STX8: variants seen among roughly 807,000 people sequenced by gnomAD.
The protein encoded by STX8 is syntaxin-8.
A neutral mutation model predicts 37.5 loss-of-function variants in STX8; 23 were observed. The ratio of observed to expected loss-of-function variants is 0.61; its 90% confidence interval spans 0.44 to 0.87. STX8 has a LOEUF of 0.87. Among genes scored for constraint, STX8 ranks in the 40% least tolerant of loss-of-function variants. The pLI is 0.00. For synonymous variants in STX8, 115 were observed against 99.1 expected (o/e 1.16, Z -0.95); for missense variants, 313 against 284.7 (o/e 1.10, Z -0.71).
chr17:9,458,254 AT>A (rs1309411148), intron 6 of STX8, among the ~76,000 whole-genome samples: 1 of 151,818 alleles, frequency 6.6e-6, no homozygotes, highest in Non-Finnish European at 1.5e-5. Flanking sequence ...GGCTCACGCC[AT>A]TCTCCTGCCT....
In STX8 at chr17:9,378,671, A is replaced by G. The variant is rs1285051085; in HGVS notation, c.542-18T>C. On this transcript the variant is annotated intron_variant, in intron 6 of 7. Coordinates refer to ENST00000306357, the MANE Select transcript of STX8 (RefSeq NM_004853.3). ...AATTATCTCTAGAAAGGAAACATACATGATTACTATTCCTGAAATACCCCG... is the reference window on the plus strand; with the variant it reads ...AATTATCTCTAGAAAGGAAACATACGTGATTACTATTCCTGAAATACCCCG... 1 of 1,574,594 alleles carries G rather than the reference A, an allele frequency of 6.4e-7. No homozygotes were observed. Among genetic ancestry groups the G allele is most frequent in the Non-Finnish European group, 8.7e-7 (1 of 1,144,382 alleles).
At chr17:9,481,868 G>A (rs183471983) in intron 6 of STX8, among the ~76,000 whole-genome samples, 31 of 152,294 alleles carry the variant, frequency 2.0e-4, no homozygotes, top group Admixed American at 8.5e-4. Flanking sequence ...ACGACAATCT[G>A]ATGCCTGGTG....
In STX8 at chr17:9,301,292, G is replaced by T. The variant is rs190484859; in HGVS notation, c.644-50647C>A. On this transcript the variant is annotated intron_variant, in intron 7 of 7. Transcript: ENST00000306357. ...ATTTTTAAAAAACAACAACAACTAAGAACAGATACTGAGCTCTATTAAATG... is the reference window on the plus strand; with the variant it reads ...ATTTTTAAAAAACAACAACAACTAATAACAGATACTGAGCTCTATTAAATG... 8.5e-4 allele frequency among the ~76,000 whole-genome samples: 129 copies of T among 152,104 alleles called. 1 individual carries two copies. In the Middle Eastern group the frequency reaches 0.027, roughly 32 times the overall value.
chr17:9,495,225 A>G (rs1222321166), intron 5 of STX8, among the ~76,000 whole-genome samples: 1 of 152,138 alleles, frequency 6.6e-6, no homozygotes, highest in African/African-American at 2.4e-5. Context: ...TTTAGGGATC[A>G]TTCACAAGGA....
At chr17:9,394,723 C>T (rs1912336184) in intron 6 of STX8, among the ~76,000 whole-genome samples, 1 of 151,720 alleles carries the variant, frequency 6.6e-6, no homozygotes, top group Non-Finnish European at 1.5e-5. Flanking sequence ...TAAAAATTGC[C>T]AGATGCTAAG....
At chr17:9,531,431 T>C (rs1192862573) in intron 4 of STX8, among the ~76,000 whole-genome samples, 2 of 152,152 alleles carry the variant, frequency 1.3e-5, no homozygotes, top group Admixed American at 6.6e-5. Flanking sequence ...GCACAGAGAC[T>C]GAAGAGATCT....
At chr17:9,318,581 C>T (rs1017973809) in intron 7 of STX8, among the ~76,000 whole-genome samples, 5 of 152,002 alleles carry the variant, frequency 3.3e-5, no homozygotes, top group South Asian at 2.1e-4. Context: ...ACGAACAATA[C>T]GGCAGTAACA....
At chr17:9,271,871 A>C (rs1907479499) in intron 7 of STX8, among the ~76,000 whole-genome samples, 1 of 152,184 alleles carries the variant, frequency 6.6e-6, no homozygotes, top group East Asian at 1.9e-4. Context: ...ACCATACAAT[A>C]AAATATCATC....
At chr17:9,459,431 T>C (rs530386744) in intron 6 of STX8, among the ~76,000 whole-genome samples, 1 of 152,334 alleles carries the variant, frequency 6.6e-6, no homozygotes, top group South Asian at 2.1e-4. Flanking sequence ...AGCCAGCTGC[T>C]GCCTCAGGGA....
At chr17:9,516,429 C>T (rs1006468615) in intron 4 of STX8, among the ~76,000 whole-genome samples, 42 of 148,860 alleles carry the variant, frequency 2.8e-4, no homozygotes, top group Admixed American at 2.6e-3. Context: ...CATACATCAC[C>T]ACAGACATAT....
At position 9,419,228 on chromosome 17, in the gene STX8, GTTATT is replaced by G. The variant is rs757643938; in HGVS notation, c.542-40580_542-40576del. Among the ~76,000 whole-genome samples the G allele has an allele frequency of 5.3e-5, 8 of 151,680 alleles. 1 individual carries two copies. The South Asian group carries it at 1.7e-3, about 32-fold the overall frequency. Reference sequence around the variant, plus strand: ...AGGTGTGTATCACCATGCCCAGTTCGTTATTTTATTTAAAAAATTTTTCTTAGACA... The same window carrying G: ...AGGTGTGTATCACCATGCCCAGTTCGTTATTTAAAAAATTTTTCTTAGACA... On this transcript the variant is annotated intron_variant, in intron 6 of 7. Coordinates refer to ENST00000306357, the MANE Select transcript of STX8 (RefSeq NM_004853.3).
intron 6 of STX8, among the ~76,000 whole-genome samples, chr17:9,457,613 G>A (rs1397042649): frequency 6.6e-6 from 1 of 152,212 alleles, no homozygotes; most frequent in African/African-American, 2.4e-5. Context: ...TCTCTAGTGG[G>A]GGCTATAATT....
chr17:9,267,093 C>T (rs1907257492), intron 7 of STX8, among the ~76,000 whole-genome samples: 1 of 152,252 alleles, frequency 6.6e-6, no homozygotes, highest in African/African-American at 2.4e-5. Flanking sequence ...AGGGTGAACG[C>T]GTGTGTGAGT....
chr17:9,347,708 G>A (rs1006162500), intron 7 of STX8, among the ~76,000 whole-genome samples: 1 of 151,996 alleles, frequency 6.6e-6, no homozygotes, highest in Non-Finnish European at 1.5e-5. Context: ...GTAGAAACTG[G>A]GTTTCACTAT....
intron 2 of STX8, among the ~76,000 whole-genome samples, chr17:9,565,612 C>CAAAAA (rs61319674): frequency 6.9e-5 from 5 of 72,676 alleles, no homozygotes; most frequent in African/African-American, 9.8e-5. Flanking sequence ...AACACCGTCT[C>CAAAAA]AAAAAAAAAA....
rs562490033 is a variant in STX8, at chr17:9,252,360, C to T, written c.644-1715G>A. Among the ~76,000 whole-genome samples the T allele has an allele frequency of 4.6e-5, 7 of 151,940 alleles. No individual in the cohort carries two copies. The South Asian group carries it at 6.2e-4, about 14-fold the overall frequency. Reference sequence around the variant, plus strand: ...TTGGGAGGCTGAGGCAGGAGAATGGCGTGAACCCGGGAGGCGGAGCTTGCA... The same window carrying T: ...TTGGGAGGCTGAGGCAGGAGAATGGTGTGAACCCGGGAGGCGGAGCTTGCA... On this transcript the variant is annotated intron_variant, in intron 7 of 7. Coordinates refer to ENST00000306357, the MANE Select transcript of STX8 (RefSeq NM_004853.3).
intron 6 of STX8, among the ~76,000 whole-genome samples, chr17:9,458,784 C>T (rs964773856): frequency 6.6e-6 from 1 of 151,488 alleles, no homozygotes; most frequent in African/African-American, 2.4e-5. Context: ...ATAGGCGTAT[C>T]GGCCAGGGTC....
intron 7 of STX8, among the ~76,000 whole-genome samples, chr17:9,288,900 G>C (rs1458214705): frequency 6.6e-6 from 1 of 152,132 alleles, no homozygotes; most frequent in Non-Finnish European, 1.5e-5. Context: ...AAAATGTTTT[G>C]AGAACTGAAG....
intron 7 of STX8, among the ~76,000 whole-genome samples, chr17:9,353,489 C>T (rs1197699945): frequency 6.6e-6 from 1 of 152,122 alleles, no homozygotes; most frequent in Non-Finnish European, 1.5e-5. Context: ...AAGTAGCAGC[C>T]CACCATGATA....
Sources: gnomAD v4.1 joint callset for allele counts (sites outside exome capture counted in the v4.1 genomes callset) on GRCh38, gnomAD v4.1.1 for gene constraint, MANE v1.5 for transcripts, NCBI Gene and HGNC (gene_info 2026-07-23, HGNC 2026-07-21) for gene names.